The following CALCRL variants were observed in gnomAD, a reference collection of about 807,000 sequenced individuals.
CALCRL encodes calcitonin receptor like receptor.
Under a neutral mutation model 60.4 loss-of-function variants are expected in CALCRL, and 27 were observed. The observed-to-expected ratio is 0.45, with a 90% CI of 0.33 to 0.62. CALCRL has a LOEUF of 0.62. Among genes scored for constraint, CALCRL ranks in the 20% least tolerant of loss-of-function variants. CALCRL has a pLI of 0.03. For synonymous variants in CALCRL, 190 were observed against 182.6 expected (o/e 1.04, Z -0.33); for missense variants, 424 against 540.7 (o/e 0.78, Z 2.14).
intron 8 of CALCRL, among the ~76,000 whole-genome samples, chr2:187,365,431 A>C (rs1169272382): frequency 6.6e-6 from 1 of 152,150 alleles, no homozygotes; most frequent in Non-Finnish European, 1.5e-5. Flanking sequence ...ATGCAAATAT[A>C]CATGTTTTTA....
chr2:187,346,116 CAG>C lies in CALCRL; in HGVS notation c.*66_*67del. On this transcript the variant is annotated 3_prime_UTR_variant, in exon 15 of 15. Coordinates refer to ENST00000392370, the MANE Select transcript of CALCRL (RefSeq NM_005795.6). ...ATTTAATATTGAAGTCTTCTGGCTA[CAG>C]AGTCATGGGTCCAAGTCCTTGAGTT... is the stretch of plus-strand genomic sequence containing the variant. 2 of 939,208 alleles carry C rather than the reference CAG, an allele frequency of 2.1e-6. No individual in the cohort carries two copies. The highest frequency in any genetic ancestry group is 3.2e-6 in the Non-Finnish European group (2 of 619,760). 58.2% of individuals were successfully genotyped at this position (939,208 alleles called of 1,614,324 possible).
intron 6 of CALCRL, 25 bp downstream of exon 6, chr2:187,380,652 T>A: frequency 3.2e-6 from 5 of 1,560,154 alleles, no homozygotes; most frequent in Non-Finnish European, 4.4e-6. Context: ...GTCAAGGAGA[T>A]ATGTAGATAC....
chr2:187,415,756 C>T lies in CALCRL; in HGVS notation c.-292-28000G>A, dbSNP rs149528473. The T allele has an allele frequency of 3.0e-4, 150 of 498,612 alleles. No individual in the cohort carries two copies. The Middle Eastern group carries it at 4.1e-3, about 14-fold the overall frequency. The allele number at this position is 498,612 out of a possible 1,614,324, so 30.9% of individuals were successfully genotyped here. ...GGGGGCTGGCATTGCTCTCAACGAC[C>T]ACTTTGTCAAGCTCATTTCCTTGTA... On this transcript the variant is annotated intron_variant, in intron 1 of 14. Coordinates refer to ENST00000392370, the MANE Select transcript of CALCRL (RefSeq NM_005795.6).
At chr2:187,398,183 G>A (rs578067527) in intron 1 of CALCRL, among the ~76,000 whole-genome samples, 5 of 151,708 alleles carry the variant, frequency 3.3e-5, no homozygotes, top group African/African-American at 1.2e-4. Context: ...ATCTAATATG[G>A]AAAGAATTAA....
chr2:187,425,623 A>G (rs1036279538), intron 1 of CALCRL, among the ~76,000 whole-genome samples: 4 of 151,972 alleles, frequency 2.6e-5, no homozygotes, highest in Non-Finnish European at 5.9e-5. Flanking sequence ...AACTCACTAT[A>G]TTTTCATGAT....
At chr2:187,359,303 A>T in intron 10 of CALCRL, 31 bp from the exon 11 acceptor site, 1 of 1,449,066 alleles carries the variant, frequency 6.9e-7, no homozygotes, top group South Asian at 1.4e-5. Flanking sequence ...GAAAATAAAT[A>T]GGCATTTTTT....
chr2:187,445,745 G>GA (rs1044426998), intron 1 of CALCRL, among the ~76,000 whole-genome samples: 34 of 151,402 alleles, frequency 2.2e-4, no homozygotes, highest in East Asian at 5.8e-4. Flanking sequence ...TGTTATGCAT[G>GA]AAAAAATAGT....
At chr2:187,409,288 G>C (rs1271316919) in intron 1 of CALCRL, among the ~76,000 whole-genome samples, 1 of 152,032 alleles carries the variant, frequency 6.6e-6, no homozygotes, top group Non-Finnish European at 1.5e-5. Context: ...TTTCTCTCTG[G>C]ATCAATAAAG....
At chr2:187,443,130 G>A (rs912400321) in intron 1 of CALCRL, among the ~76,000 whole-genome samples, 1 of 151,676 alleles carries the variant, frequency 6.6e-6, no homozygotes, top group Admixed American at 6.6e-5. Context: ...TTAGGTTCTG[G>A]CATGTATTGT....
At chr2:187,421,966 G>A (rs2105874643) in intron 1 of CALCRL, among the ~76,000 whole-genome samples, 1 of 152,262 alleles carries the variant, frequency 6.6e-6, no homozygotes, top group African/African-American at 2.4e-5. Context: ...GAGTGTAATA[G>A]GAAGTGGACA....
At chr2:187,425,271 A>G (rs1205826060) in intron 1 of CALCRL, among the ~76,000 whole-genome samples, 2 of 152,090 alleles carry the variant, frequency 1.3e-5, no homozygotes, top group South Asian at 2.1e-4. Context: ...AGTGTTATTC[A>G]TTATCAAAAA....
At chr2:187,357,204 G>C (rs978034740) in intron 12 of CALCRL, among the ~76,000 whole-genome samples, 1 of 151,936 alleles carries the variant, frequency 6.6e-6, no homozygotes, top group Non-Finnish European at 1.5e-5. Flanking sequence ...ACATGTACAC[G>C]TATGTTTTCT....
intron 7 of CALCRL, 77 bp downstream of exon 7, chr2:187,380,390 C>G: frequency 5.2e-6 from 4 of 767,652 alleles, no homozygotes; most frequent in Non-Finnish European, 8.9e-6. Context: ...ACTTTATTTT[C>G]TTTAATACAG....
intron 1 of CALCRL, among the ~76,000 whole-genome samples, chr2:187,424,915 TA>T (rs1690052463): frequency 6.6e-6 from 1 of 151,936 alleles, no homozygotes; most frequent in African/African-American, 2.4e-5. Context: ...AATGTAACAA[TA>T]ATAATATTTA....
At chr2:187,438,786 G>A (rs1048473231) in intron 1 of CALCRL, among the ~76,000 whole-genome samples, 4 of 152,056 alleles carry the variant, frequency 2.6e-5, no homozygotes, top group African/African-American at 7.2e-5. Flanking sequence ...AGTAAAATCT[G>A]AACACTAAGT....
At chr2:187,383,827 T>C (rs1312963070) in intron 4 of CALCRL, among the ~76,000 whole-genome samples, 2 of 152,176 alleles carry the variant, frequency 1.3e-5, no homozygotes, top group African/African-American at 4.8e-5. Context: ...AATGGCAACA[T>C]CATTTATGAT....
intron 8 of CALCRL, among the ~76,000 whole-genome samples, chr2:187,368,663 C>G (rs1687396643): frequency 6.6e-6 from 1 of 152,048 alleles, no homozygotes. Context: ...CTACTTTTCT[C>G]AATACTAATT....
intron 12 of CALCRL, among the ~76,000 whole-genome samples, chr2:187,356,544 ATAAAAACCC>A (rs1167817544): frequency 1.3e-5 from 2 of 152,208 alleles, no homozygotes; most frequent in East Asian, 3.8e-4. Context: ...ACCTAAAACC[ATAAAAACCC>A]TAGAAGAAAA....
chr2:187,367,946 G>A (rs1273549309), intron 8 of CALCRL, among the ~76,000 whole-genome samples: 2 of 152,048 alleles, frequency 1.3e-5, no homozygotes, highest in Non-Finnish European at 2.9e-5. Context: ...AAATCATTAT[G>A]CTTTATATGT....
Sources: allele counts gnomAD v4.1 joint callset (sites outside exome capture counted in the v4.1 genomes callset), GRCh38; gene constraint gnomAD v4.1.1; transcripts MANE v1.5; gene names NCBI Gene and HGNC (gene_info 2026-07-23, HGNC 2026-07-21).